MNAT1: variants seen among roughly 807,000 people sequenced by gnomAD.
MNAT1 encodes the protein CDK-activating kinase assembly factor MAT1.
In MNAT1, 43 loss-of-function variants were observed where a neutral mutation model predicts 42.0. The observed-to-expected ratio is 1.02, with a 90% CI of 0.80 to 1.32. The LOEUF (loss-of-function observed/expected upper bound fraction) is 1.32. Among genes scored for constraint, MNAT1 ranks in the 40% most tolerant of loss-of-function variants. The pLI is 0.00. For missense variants in MNAT1, 306 were observed against 350.4 expected, an observed-to-expected ratio of 0.87 and a Z score of 1.01; for synonymous variants, 118 against 120.0, an observed-to-expected ratio of 0.98 and a Z score of 0.11.
At chr14:60,854,906 G>A (rs2033916657) in intron 6 of MNAT1, among the ~76,000 whole-genome samples, 1 of 152,176 alleles carries the variant, frequency 6.6e-6, no homozygotes, top group Non-Finnish European at 1.5e-5. Flanking sequence ...ATCTGATGAA[G>A]CTGGGCCCAT....
chr14:60,811,083 G>C (rs1344836413), intron 4 of MNAT1, among the ~76,000 whole-genome samples: 1 of 151,852 alleles, frequency 6.6e-6, no homozygotes, highest in Admixed American at 6.6e-5. Context: ...ATTATATAAT[G>C]TTCTTTGTCT....
intron 1 of MNAT1, among the ~76,000 whole-genome samples, chr14:60,794,654 A>T (rs1336444767): frequency 0.015 from 1,400 of 93,778 alleles, 11 homozygotes; most frequent in South Asian, 0.049. Flanking sequence ...AAAAAAAAAA[A>T]AAAAAAATAT....
intron 1 of MNAT1, among the ~76,000 whole-genome samples, chr14:60,793,352 GT>G (rs1361631787): frequency 6.6e-6 from 1 of 151,496 alleles, no homozygotes; most frequent in Non-Finnish European, 1.5e-5. Context: ...TATTTTTCCT[GT>G]TATTTTATTT....
intron 4 of MNAT1, chr14:60,808,695 A>T (rs1018346057): frequency 5.1e-6 from 1 of 194,302 alleles, no homozygotes; most frequent in African/African-American, 2.3e-5. Context: ...CGCTAGTTTT[A>T]TCTGCCTGTA....
At chr14:60,739,885 G>A (rs1398645244) in intron 1 of MNAT1, among the ~76,000 whole-genome samples, 1 of 152,182 alleles carries the variant, frequency 6.6e-6, no homozygotes, top group East Asian at 1.9e-4. Context: ...TGGGTGCAGT[G>A]GCTTACGCCT....
intron 1 of MNAT1, among the ~76,000 whole-genome samples, chr14:60,754,181 G>T (rs929941288): frequency 6.6e-6 from 1 of 152,140 alleles, no homozygotes; most frequent in Non-Finnish European, 1.5e-5. Context: ...ATAATAAATT[G>T]TTTATTGTTT....
chr14:60,947,996 A>G (rs1156748610), intron 7 of MNAT1, among the ~76,000 whole-genome samples: 2 of 152,192 alleles, frequency 1.3e-5, no homozygotes, highest in African/African-American at 4.8e-5. Flanking sequence ...AGAGGCCCTC[A>G]TAATCTTTTC....
At chr14:60,845,845 T>A (rs866738846) in intron 6 of MNAT1, among the ~76,000 whole-genome samples, 1 of 152,130 alleles carries the variant, frequency 6.6e-6, no homozygotes. Flanking sequence ...CTTGTTTTAG[T>A]GTGGCTTTGT....
At chr14:60,882,688 C>T (rs2034578249) in intron 7 of MNAT1, among the ~76,000 whole-genome samples, 1 of 152,118 alleles carries the variant, frequency 6.6e-6, no homozygotes, top group Non-Finnish European at 1.5e-5. Context: ...TACTAATTTA[C>T]ATATCCACCA....
intron 7 of MNAT1, among the ~76,000 whole-genome samples, chr14:60,944,257 G>GTC (rs1594898652): frequency 6.6e-6 from 1 of 152,076 alleles, no homozygotes; most frequent in African/African-American, 2.4e-5. Flanking sequence ...ATCAGAGATC[G>GTC]TAAGTTTCTA....
intron 7 of MNAT1, among the ~76,000 whole-genome samples, chr14:60,913,940 A>C (rs907075270): frequency 2.0e-5 from 3 of 152,222 alleles, no homozygotes; most frequent in Admixed American, 6.5e-5. Context: ...CTACAGAGGC[A>C]GTCTGGCCTC....
rs563138893 is a variant in MNAT1 at position 60,910,588 on chromosome 14, T to TG, written c.809+30753_809+30754insG. 5.3e-5 allele frequency among the ~76,000 whole-genome samples: 8 copies of TG among 152,200 alleles called. No individual in the cohort carries two copies. In the South Asian group the frequency reaches 1.2e-3, roughly 24 times the overall value. ...TTCTGCATCTATTGAGATAATCATG[T>TG]TTTTTTGTCGTTGGTTCTGTTAATA... On this transcript the variant is annotated intron_variant, in intron 7 of 7. Transcript: ENST00000261245.
At chr14:60,938,305 A>C (rs929983251) in intron 7 of MNAT1, among the ~76,000 whole-genome samples, 2 of 152,078 alleles carry the variant, frequency 1.3e-5, no homozygotes, top group Non-Finnish European at 2.9e-5. Context: ...GTCTTGTGCC[A>C]GTTTTCAAAG....
intron 7 of MNAT1, among the ~76,000 whole-genome samples, chr14:60,911,067 C>T (rs573287406): frequency 1.1e-4 from 16 of 151,782 alleles, no homozygotes; most frequent in African/African-American, 3.4e-4. Flanking sequence ...GTGTGTGTGT[C>T]GAGGAATTTA....
intron 1 of MNAT1, among the ~76,000 whole-genome samples, chr14:60,741,657 G>GGTTT (rs1896464319): frequency 9.6e-5 from 2 of 20,894 alleles, no homozygotes; most frequent in African/African-American, 2.4e-4. Context: ...CTGCGCCTGG[G>GGTTT]GTTTTTTTTT....
At chr14:60,814,035 T>C (rs2032636823) in intron 5 of MNAT1, among the ~76,000 whole-genome samples, 1 of 152,168 alleles carries the variant, frequency 6.6e-6, no homozygotes, top group South Asian at 2.1e-4. Context: ...TCTTGATAGA[T>C]TGTTTATATG....
At chr14:60,889,077 T>G (rs2034763739) in intron 7 of MNAT1, among the ~76,000 whole-genome samples, 1 of 151,070 alleles carries the variant, frequency 6.6e-6, no homozygotes, top group African/African-American at 2.4e-5. Context: ...ATGACTTTCT[T>G]CACAGAATTG....
chr14:60,757,866 G>A (rs1389165641), intron 1 of MNAT1, among the ~76,000 whole-genome samples: 6 of 152,112 alleles, frequency 3.9e-5, no homozygotes, highest in African/African-American at 1.4e-4. Context: ...TGTGTACAAG[G>A]AGTTGATGAT....
intron 3 of MNAT1, among the ~76,000 whole-genome samples, chr14:60,806,069 A>C (rs2032359621): frequency 6.6e-6 from 1 of 152,180 alleles, no homozygotes; most frequent in South Asian, 2.1e-4. Context: ...TGCCATTCTA[A>C]TAGGAGTGCC....
Sources: gnomAD v4.1 joint callset for allele counts (sites outside exome capture counted in the v4.1 genomes callset) on GRCh38, gnomAD v4.1.1 for gene constraint, MANE v1.5 for transcripts, NCBI Gene and HGNC (gene_info 2026-07-23, HGNC 2026-07-21) for gene names.